The following CNTNAP2 variants were observed in gnomAD, a reference collection of about 807,000 sequenced individuals.
The protein encoded by CNTNAP2 is contactin associated protein 2.
In CNTNAP2, 98 loss-of-function variants were observed where a neutral mutation model predicts 155.2. The observed-to-expected ratio is 0.63, with a 90% confidence interval of 0.54 to 0.75. CNTNAP2 has a LOEUF of 0.75. CNTNAP2 is among the 30% of genes least tolerant of loss of function. CNTNAP2 has a pLI of 0.00. For synonymous variants in CNTNAP2, 651 were observed against 631.2 expected, an observed-to-expected ratio of 1.03 and a Z score of -0.47; for missense variants, 1,727 against 1,688.1, an observed-to-expected ratio of 1.02 and a Z score of -0.40.
At chr7:148,193,336 G>C (rs2189979) in intron 18 of CNTNAP2, among the ~76,000 whole-genome samples, 41,789 of 152,048 alleles carry the variant, frequency 0.27, 6,057 homozygotes, top group Middle Eastern at 0.35. Context: ...CACAACCCAC[G>C]TTTTGAGGGG....
At chr7:147,181,338 A>G (rs1040564144) in intron 8 of CNTNAP2, among the ~76,000 whole-genome samples, 3 of 152,240 alleles carry the variant, frequency 2.0e-5, no homozygotes, top group African/African-American at 7.2e-5. Context: ...ATCTCAGTGC[A>G]TATTTTAAAG....
chr7:148,160,279 A>G (rs1384061210), intron 17 of CNTNAP2, among the ~76,000 whole-genome samples: 1 of 151,242 alleles, frequency 6.6e-6, no homozygotes, highest in Non-Finnish European at 1.5e-5. Context: ...AGGCATAATG[A>G]TGTGCGCCTA....
chr7:147,923,569 A>C (rs919332723), intron 14 of CNTNAP2, among the ~76,000 whole-genome samples: 42 of 152,216 alleles, frequency 2.8e-4, no homozygotes, highest in African/African-American at 9.9e-4. Flanking sequence ...GCTGAAATGC[A>C]GTGGTATAAT....
At chr7:146,616,250 G>C (rs955046967) in intron 1 of CNTNAP2, among the ~76,000 whole-genome samples, 20 of 152,118 alleles carry the variant, frequency 1.3e-4, no homozygotes, top group African/African-American at 4.6e-4. Flanking sequence ...AAAGGATCAC[G>C]GTGAGGGGAA....
At position 147,498,861 on chromosome 7, in the gene CNTNAP2, A is replaced by C. The variant is rs117053491; in HGVS notation, c.1777+12820A>C. Among the ~76,000 whole-genome samples, 1,061 of 152,282 alleles carry C rather than the reference A, an allele frequency of 7.0e-3. 5 individuals carry two copies. The highest frequency in any genetic ancestry group is 0.01 in the Non-Finnish European group (686 of 68,026). ...CCTTAAGATGAAATAAATGAATATC[A>C]GGTAGTAAATTCTACCACATGTGGT... On this transcript the variant is annotated intron_variant, in intron 11 of 23. Transcript: ENST00000361727.
chr7:147,760,914 A>T (rs1797288795), intron 13 of CNTNAP2, among the ~76,000 whole-genome samples: 1 of 152,216 alleles, frequency 6.6e-6, no homozygotes, highest in African/African-American at 2.4e-5. Flanking sequence ...ACAAATTGTG[A>T]TAAGCCAAAG....
Position 147,791,631 on chromosome 7 carries a change from G to C in CNTNAP2, c.2099-111934G>C, listed in dbSNP as rs1029117834. Among the ~76,000 whole-genome samples, 13 of 152,124 alleles carry C rather than the reference G, an allele frequency of 8.5e-5. No individual in the cohort carries two copies. In the East Asian group the frequency reaches 2.3e-3, roughly 27 times the overall value. On this transcript the variant is annotated intron_variant, in intron 13 of 23. Transcript: ENST00000361727. ...TAGTAACCCAGGACAATGCAACACA[G>C]TTTGCACTGTACTCTGATGTCTTCA...
chr7:146,733,379 G>A lies in CNTNAP2; in HGVS notation c.98-40892G>A, dbSNP rs140687640. ...ATTCTTTTCAGTTGTCATTTTATTC[G>A]TTTGCTTATTATTTATAGTGTTTTA... On this transcript the variant is annotated intron_variant, in intron 1 of 23. Transcript: ENST00000361727. 2.5e-3 allele frequency among the ~76,000 whole-genome samples: 378 copies of A among 151,874 alleles called. 1 individual carries two copies. The highest frequency in any genetic ancestry group is 4.9e-3 in the African/African-American group (205 of 41,490).
Position 146,601,384 on chromosome 7 carries a change from C to T in CNTNAP2, c.98-172887C>T, listed in dbSNP as rs1011379953. 5.9e-5 allele frequency among the ~76,000 whole-genome samples: 9 copies of T among 152,068 alleles called. No individual in the cohort carries two copies. The East Asian group carries it at 1.7e-3, about 29-fold the overall frequency. On this transcript the variant is annotated intron_variant, in intron 1 of 23. Transcript: ENST00000361727. Reference sequence around the variant, plus strand: ...ACAGTGAAAATGGCTATTTTGTCACCTAAACAGTCAGGGAGAACTTGGAAA... The same window carrying T: ...ACAGTGAAAATGGCTATTTTGTCACTTAAACAGTCAGGGAGAACTTGGAAA...
Position 146,765,968 on chromosome 7 carries a change from G to C in CNTNAP2, c.98-8303G>C, listed in dbSNP as rs1005684953. Among the ~76,000 whole-genome samples the C allele has an allele frequency of 2.0e-5, 3 of 152,030 alleles. 1 individual carries two copies. The highest frequency in any genetic ancestry group is 1.3e-4 in the Admixed American group (2 of 15,246). On this transcript the variant is annotated intron_variant, in intron 1 of 23. Transcript: ENST00000361727. ...TCTAGAGCTTAGTGACCCAGAGAAG[G>C]AGTGAAATAAAATAGCGCCAGAGAT...
At chr7:146,903,805 C>T (rs1029133952) in intron 3 of CNTNAP2, among the ~76,000 whole-genome samples, 4 of 151,952 alleles carry the variant, frequency 2.6e-5, no homozygotes, top group Non-Finnish European at 5.9e-5. Flanking sequence ...TCTCTTGCCC[C>T]GCATAGTGAC....
intron 3 of CNTNAP2, among the ~76,000 whole-genome samples, chr7:146,845,746 C>A (rs888735785): frequency 6.6e-6 from 1 of 152,090 alleles, no homozygotes; most frequent in Non-Finnish European, 1.5e-5. Flanking sequence ...TCATAATTTT[C>A]GATTAACACA....
In CNTNAP2 at chr7:146,187,051, A is replaced by G. The variant is rs187946459; in HGVS notation, c.97+70078A>G. On this transcript the variant is annotated intron_variant, in intron 1 of 23. Transcript: ENST00000361727. ...AGTGTAATTGTATTTATTCTTGCAG[A>G]AAAAGTCTTAGTTTAGTCTCAAACT... 5.9e-5 allele frequency among the ~76,000 whole-genome samples: 9 copies of G among 152,326 alleles called. No homozygotes were observed. The East Asian group carries it at 1.4e-3, about 23-fold the overall frequency.
At chr7:148,058,332 T>G (rs1053158848) in intron 15 of CNTNAP2, among the ~76,000 whole-genome samples, 1 of 152,040 alleles carries the variant, frequency 6.6e-6, no homozygotes, top group Non-Finnish European at 1.5e-5. Flanking sequence ...CAGCATCTGT[T>G]TATGCCAGTG....
intron 21 of CNTNAP2, among the ~76,000 whole-genome samples, chr7:148,299,872 A>G (rs1033633019): frequency 6.6e-6 from 1 of 152,248 alleles, no homozygotes; most frequent in South Asian, 2.1e-4. Flanking sequence ...AACTAAGAAA[A>G]GAGATTTAAA....
chr7:148,326,105 G>A (rs1452035672), intron 21 of CNTNAP2, among the ~76,000 whole-genome samples: 3 of 151,462 alleles, frequency 2.0e-5, no homozygotes, highest in Non-Finnish European at 4.4e-5. Flanking sequence ...GTGCACCCAA[G>A]AGAGCCTGTT....
intron 1 of CNTNAP2, among the ~76,000 whole-genome samples, chr7:146,715,245 T>C (rs1399430401): frequency 6.6e-6 from 1 of 152,066 alleles, no homozygotes; most frequent in African/African-American, 2.4e-5. Flanking sequence ...GGCTGGAGTA[T>C]TGCTTGAACC....
intron 1 of CNTNAP2, among the ~76,000 whole-genome samples, chr7:146,448,964 A>T (rs1584930534): frequency 1.3e-5 from 2 of 151,994 alleles, no homozygotes; most frequent in South Asian, 2.1e-4. Flanking sequence ...ATGAATGCTA[A>T]ATCTGTTATT....
intron 3 of CNTNAP2, among the ~76,000 whole-genome samples, chr7:146,873,279 T>C (rs1795352349): frequency 6.7e-6 from 1 of 148,516 alleles, no homozygotes; most frequent in African/African-American, 2.5e-5. Flanking sequence ...GCAAGACAGA[T>C]TTTGAAGCAC....
Sources: gnomAD v4.1 joint callset for allele counts (sites outside exome capture counted in the v4.1 genomes callset) on GRCh38, gnomAD v4.1.1 for gene constraint, MANE v1.5 for transcripts, NCBI Gene and HGNC (gene_info 2026-07-23, HGNC 2026-07-21) for gene names.